CTNND1: variants seen among roughly 807,000 people sequenced by gnomAD.
CTNND1 encodes catenin delta-1.
Under a neutral mutation model 112.1 loss-of-function variants are expected in CTNND1, and 16 were observed. The observed-to-expected ratio is 0.14, with a 90% CI of 0.10 to 0.22. CTNND1 has a LOEUF of 0.22. CTNND1 is among the 10% of genes least tolerant of loss of function. The pLI is 1.00. For synonymous variants in CTNND1, 420 were observed against 446.5 expected, an observed-to-expected ratio of 0.94 and a Z score of 0.75; for missense variants, 1,008 against 1,257.0, an observed-to-expected ratio of 0.80 and a Z score of 3.00.
At chr11:57,762,720 G>T (rs921523405) in intron 1 of CTNND1, among the ~76,000 whole-genome samples, 6 of 151,994 alleles carry the variant, frequency 3.9e-5, no homozygotes, top group Non-Finnish European at 7.4e-5. Context: ...CCCTTCTTTG[G>T]CTTATAAAAG....
In CTNND1 at chr11:57,789,041, CTCCT is replaced by C; in HGVS notation, c.-204_-201del. The C allele has an allele frequency of 6.5e-7, 1 of 1,534,946 alleles. No homozygotes were observed. Among genetic ancestry groups the C allele is most frequent in the Non-Finnish European group, 8.7e-7 (1 of 1,146,198 alleles). On this transcript the variant is annotated 5_prime_UTR_variant, in exon 2 of 21. Coordinates refer to ENST00000399050, the MANE Select transcript of CTNND1 (RefSeq NM_001085458.2). Reference sequence around the variant, plus strand: ...TTCCTTCAAATATTTCTGCAGCTCTCTCCTTCCTGCTTCCTCCTTGCTGTGGTGG... The same window carrying C: ...TTCCTTCAAATATTTCTGCAGCTCTCTCCTGCTTCCTCCTTGCTGTGGTGG...
intron 1 of CTNND1, among the ~76,000 whole-genome samples, chr11:57,763,311 G>C (rs1023785588): frequency 1.3e-5 from 2 of 152,088 alleles, no homozygotes; most frequent in Non-Finnish European, 2.9e-5. Context: ...TATAGATGCT[G>C]TCCTAATTGT....
At chr11:57,814,607 A>G (rs919356470) in intron 18 of CTNND1, among the ~76,000 whole-genome samples, 1 of 152,158 alleles carries the variant, frequency 6.6e-6, no homozygotes, top group Non-Finnish European at 1.5e-5. Flanking sequence ...TGCCTCTCCT[A>G]TTACTACACA....
intron 14 of CTNND1, 49 bp downstream of exon 14, chr11:57,808,589 G>T: frequency 2.0e-6 from 3 of 1,498,150 alleles, no homozygotes; most frequent in Non-Finnish European, 2.7e-6. Flanking sequence ...TACAGTGTTT[G>T]TAGTCCAGCA....
rs1256672182 is a variant in CTNND1, at chr11:57,796,490, A to G, written c.454A>G (p.Thr152Ala). The change falls in exon 6 of 21, where the codon ACA becomes GCA. Residue 152 changes from threonine to alanine, a missense_variant. Physicochemically the swap from Thr to Ala is moderately conservative, Grantham distance 58. This residue lies in a region of CTNND1 where 404 missense variants were observed against 457.9 expected (regional missense o/e 0.88). Coordinates refer to ENST00000399050, the MANE Select transcript of CTNND1 (RefSeq NM_001085458.2). ...KKVVKTVTTRTVQPVAMGPDG... is the reference protein window; with the variant it reads ...KKVVKTVTTRAVQPVAMGPDG... Reference sequence around the variant, plus strand: ...AGTAGTGAAGACTGTGACAACACGGACAGTACAGCCAGTCGCTATGGGACC... The same window carrying G: ...AGTAGTGAAGACTGTGACAACACGGGCAGTACAGCCAGTCGCTATGGGACC... 2.5e-6 allele frequency: 4 copies of G among 1,611,914 alleles called. No individual in the cohort carries two copies. In the East Asian group the frequency reaches 8.9e-5, roughly 36 times the overall value.
At chr11:57,811,717 T>G (rs2063379727) in intron 17 of CTNND1, among the ~76,000 whole-genome samples, 1 of 152,264 alleles carries the variant, frequency 6.6e-6, no homozygotes, top group Admixed American at 6.5e-5. Flanking sequence ...CTTGTGAACT[T>G]AAAACACTGG....
chr11:57,797,734 C>T (rs1369477087), intron 6 of CTNND1, among the ~76,000 whole-genome samples: 7 of 142,576 alleles, frequency 4.9e-5, no homozygotes, highest in African/African-American at 1.0e-4. Context: ...CTCAGCTACT[C>T]GGGAGGCTGA....
intron 6 of CTNND1, among the ~76,000 whole-genome samples, chr11:57,801,113 C>T (rs1025580237): frequency 2.0e-5 from 3 of 152,168 alleles, no homozygotes; most frequent in Non-Finnish European, 4.4e-5. Flanking sequence ...AAGTTTATAC[C>T]TCATCAGTAC....
In CTNND1 at chr11:57,811,384, T is replaced by C; in HGVS notation, c.2551-15T>C. On this transcript the variant is annotated splice_polypyrimidine_tract_variant and intron_variant, in intron 16 of 20. Coordinates refer to ENST00000399050, the MANE Select transcript of CTNND1 (RefSeq NM_001085458.2). The stretch of plus-strand genomic sequence containing the variant: ...CAGTATTCTGTCACATTGTCGCATT[T>C]GTGTTTGCCTCTAGGTGAATCTAAA... The C allele has an allele frequency of 6.2e-7, 1 of 1,600,572 alleles. No homozygotes were observed. Among genetic ancestry groups the C allele is most frequent in the Non-Finnish European group, 8.6e-7 (1 of 1,168,776 alleles).
intron 1 of CTNND1, among the ~76,000 whole-genome samples, chr11:57,777,921 G>A (rs896445106): frequency 6.6e-6 from 1 of 152,166 alleles, no homozygotes; most frequent in African/African-American, 2.4e-5. Flanking sequence ...TTTCCAATGG[G>A]TTGTACAAGA....
intron 1 of CTNND1, among the ~76,000 whole-genome samples, chr11:57,775,493 TTTG>T (rs991660007): frequency 1.3e-5 from 2 of 152,158 alleles, no homozygotes; most frequent in African/African-American, 4.8e-5. Flanking sequence ...TACCTCTTGA[TTTG>T]GGGGTTATGC....
intron 12 of CTNND1, 102 bp downstream of exon 12, chr11:57,807,085 C>T (rs1242963525): frequency 5.4e-6 from 5 of 917,564 alleles, no homozygotes; most frequent in African/African-American, 5.0e-5. Context: ...TTATTGTCCT[C>T]TCTTTTCCAA....
chr11:57,806,551 C>A, intron 11 of CTNND1, 73 bp downstream of exon 11: 1 of 1,325,220 alleles, frequency 7.5e-7, no homozygotes, highest in Non-Finnish European at 1.1e-6. Context: ...CTAGTATGTC[C>A]TTGCCTAACC....
chr11:57,814,269 A>C (rs1806265321), intron 17 of CTNND1, 42 bp from the exon 18 acceptor site: 1 of 1,475,268 alleles, frequency 6.8e-7, no homozygotes, highest in African/African-American at 1.4e-5. Context: ...ACAGATTTTG[A>C]AGAATTGTTT....
At chr11:57,793,438 G>C (rs895251943) in intron 3 of CTNND1, among the ~76,000 whole-genome samples, 1 of 152,132 alleles carries the variant, frequency 6.6e-6, no homozygotes. Context: ...CGTATCTCTT[G>C]CTTTTTTCTT....
intron 17 of CTNND1, 139 bp from the exon 18 acceptor site, chr11:57,814,172 A>C (rs1297715138): frequency 1.6e-6 from 1 of 644,054 alleles, no homozygotes. Context: ...AAAATTATCC[A>C]GGCATTGTGA....
intron 1 of CTNND1, among the ~76,000 whole-genome samples, chr11:57,786,869 AGTTGAGAAGAAAGCTCTCAAAG>A (rs1182447578): frequency 6.6e-6 from 1 of 152,140 alleles, no homozygotes; most frequent in African/African-American, 2.4e-5. Flanking sequence ...TTCCTGTGAT[AGTTGAGAAGAAAGCTCTCAAAG>A]GTTGTAGAGG....
chr11:57,796,720 T>G lies in CTNND1; in HGVS notation c.684T>G (p.Tyr228Ter). ...GTTATCCAGGTGGCAGTGATAACTA[T>G]GGCAGTCTGTCCCGGGTGACCCGCA... ...EDGYPGGSDN[Y>*]GSLSRVTRIE... The change falls in exon 6 of 21, where the codon TAT (tyrosine) becomes TAG (stop). Residue 228 changes from tyrosine to a stop codon, truncating the protein, a stop_gained. Coordinates refer to ENST00000399050, the MANE Select transcript of CTNND1 (RefSeq NM_001085458.2). LOFTEE classifies it high-confidence loss of function. The G allele has an allele frequency of 6.2e-7, 1 of 1,614,030 alleles. No homozygotes were observed. The highest frequency in any genetic ancestry group is 8.5e-7 in the Non-Finnish European group (1 of 1,179,898).
At chr11:57,795,285 A>G (rs2061243702) in intron 4 of CTNND1, among the ~76,000 whole-genome samples, 1 of 152,214 alleles carries the variant, frequency 6.6e-6, no homozygotes, top group South Asian at 2.1e-4. Context: ...AACACAGTTC[A>G]TGTTCACTTA....
Sources: allele counts gnomAD v4.1 joint callset (sites outside exome capture counted in the v4.1 genomes callset), GRCh38; gene constraint gnomAD v4.1.1; regional missense constraint gnomAD v4.1.1; transcripts MANE v1.5; gene names NCBI Gene and HGNC (gene_info 2026-07-23, HGNC 2026-07-21).